The following NIBAN1 variants were observed in gnomAD, a reference collection of about 807,000 sequenced individuals.
NIBAN1 encodes the protein niban apoptosis regulator 1, also known as protein Niban 1.
Under a neutral mutation model 75.1 loss-of-function variants are expected in NIBAN1, and 81 were observed. The observed-to-expected ratio is 1.08, with a 90% CI of 0.90 to 1.30. The LOEUF (loss-of-function observed/expected upper bound fraction) is 1.30. NIBAN1 is among the 50% of genes most tolerant of loss of function. The pLI is 0.00. For synonymous variants in NIBAN1, 436 were observed against 424.8 expected (o/e 1.03, Z -0.32); for missense variants, 1,133 against 1,128.1 (o/e 1.00, Z -0.06).
chr1:184,879,266 A>G (rs1227216390), intron 5 of NIBAN1, among the ~76,000 whole-genome samples: 1 of 152,244 alleles, frequency 6.6e-6, no homozygotes, highest in African/African-American at 2.4e-5. Context: ...AGATATGTTC[A>G]TGACAATTGT....
At chr1:184,924,247 G>T (rs1657631041) in intron 1 of NIBAN1, among the ~76,000 whole-genome samples, 1 of 151,954 alleles carries the variant, frequency 6.6e-6, no homozygotes, top group Admixed American at 6.6e-5. Flanking sequence ...GAGGGCTTTT[G>T]TCACAAAGGG....
chr1:184,866,012 C>A (rs1359603956), intron 5 of NIBAN1, among the ~76,000 whole-genome samples: 1 of 152,086 alleles, frequency 6.6e-6, no homozygotes, highest in Non-Finnish European at 1.5e-5. Flanking sequence ...TTTCCAGATG[C>A]TTTTTCAAAT....
At chr1:184,953,730 G>A (rs1214314514) in intron 1 of NIBAN1, among the ~76,000 whole-genome samples, 1 of 152,198 alleles carries the variant, frequency 6.6e-6, no homozygotes, top group East Asian at 1.9e-4. Flanking sequence ...AGTTTCTCGT[G>A]GAAGTGCCAA....
Position 184,930,997 on chromosome 1 carries a change from CT to C in NIBAN1, c.56-31689del, listed in dbSNP as rs200932673. 1.1e-3 allele frequency among the ~76,000 whole-genome samples: 121 copies of C among 114,514 alleles called. 2 individuals are homozygous for C. The East Asian group carries it at 0.019, about 18-fold the overall frequency. 75.1% of individuals were successfully genotyped at this position (114,514 alleles called of 152,430 possible). On this transcript the variant is annotated intron_variant, in intron 1 of 13. Transcript: ENST00000367511. Reference sequence around the variant, plus strand: ...GTTTCTAAGTGCACTTTTTCTTCTTCTTTTTTTTTTTTTTTTTTTTGAGACT... The same window carrying C: ...GTTTCTAAGTGCACTTTTTCTTCTTCTTTTTTTTTTTTTTTTTTTGAGACT...
chr1:184,920,036 G>A (rs1571574208), intron 1 of NIBAN1, among the ~76,000 whole-genome samples: 1 of 152,014 alleles, frequency 6.6e-6, no homozygotes, highest in Non-Finnish European at 1.5e-5. Flanking sequence ...ACCAAAGTCA[G>A]GGAAATGAAT....
intron 1 of NIBAN1, among the ~76,000 whole-genome samples, chr1:184,952,149 C>G (rs959652007): frequency 1.3e-5 from 2 of 152,154 alleles, no homozygotes; most frequent in African/African-American, 4.8e-5. Context: ...GCCTATAATC[C>G]CAGCACTTTG....
chr1:184,945,590 C>T (rs553614730), intron 1 of NIBAN1, among the ~76,000 whole-genome samples: 3 of 152,124 alleles, frequency 2.0e-5, no homozygotes, highest in African/African-American at 4.8e-5. Context: ...CAAAGAGTAG[C>T]GAGTGAATAT....
intron 1 of NIBAN1, among the ~76,000 whole-genome samples, chr1:184,928,463 T>G (rs1657738073): frequency 6.6e-6 from 1 of 152,144 alleles, no homozygotes; most frequent in Non-Finnish European, 1.5e-5. Context: ...CTTTCAAGTG[T>G]ATTTAGGACC....
At chr1:184,896,927 G>A (rs1656815287) in intron 2 of NIBAN1, among the ~76,000 whole-genome samples, 1 of 152,130 alleles carries the variant, frequency 6.6e-6, no homozygotes, top group South Asian at 2.1e-4. Flanking sequence ...CCAGTACCAT[G>A]CTGATTTAGT....
chr1:184,894,147 G>A lies in NIBAN1; in HGVS notation c.246C>T (p.Asp82=), dbSNP rs1170745546. The change falls in exon 3 of 14, where the codon GAC becomes GAT. Residue 82 remains aspartate, a synonymous_variant. Coordinates refer to ENST00000367511, the MANE Select transcript of NIBAN1 (RefSeq NM_052966.4). ...CGTATCTCTCCTTCCACTTCTTTAT[G>A]TCTTCAGAAAATTGTGATAGCTCTG... ...YEAELSQFSE[D]IKKWKERYVV... 2 of 1,612,376 alleles carry A rather than the reference G, an allele frequency of 1.2e-6. No homozygotes were observed. Among genetic ancestry groups the A allele is most frequent in the Non-Finnish European group, 1.7e-6 (2 of 1,179,256 alleles).
At chr1:184,866,987 A>G (rs1406550492) in intron 5 of NIBAN1, among the ~76,000 whole-genome samples, 8 of 152,226 alleles carry the variant, frequency 5.3e-5, no homozygotes, top group Admixed American at 5.2e-4. Flanking sequence ...ATTTATGAGC[A>G]CAGATGTGCA....
rs187243425 is a variant in NIBAN1, at chr1:184,890,084, G to A, written c.433+24C>T. ...CAAAGAAGCTTAGTCATTTTGCCTT[G>A]GAAAAGAATGATCAGCAACTCACCA... On this transcript the variant is annotated intron_variant, in intron 4 of 13. Coordinates refer to ENST00000367511, the MANE Select transcript of NIBAN1 (RefSeq NM_052966.4). 5 of 1,559,230 alleles carry A rather than the reference G, an allele frequency of 3.2e-6. No individual in the cohort carries two copies. In the East Asian group the frequency reaches 1.1e-4, roughly 35 times the overall value.
chr1:184,838,895 C>T (rs1445977003), intron 5 of NIBAN1, among the ~76,000 whole-genome samples: 1 of 152,194 alleles, frequency 6.6e-6, no homozygotes, highest in East Asian at 1.9e-4. Flanking sequence ...AGTTATGTAA[C>T]AGCATTACTC....
chr1:184,929,424 T>G (rs997620031), intron 1 of NIBAN1, among the ~76,000 whole-genome samples: 3 of 152,234 alleles, frequency 2.0e-5, no homozygotes, highest in Admixed American at 2.0e-4. Context: ...AATGTTCAAG[T>G]ACCCCAAAAT....
At chr1:184,919,770 GTAATGAGTA>G (rs1657481725) in intron 1 of NIBAN1, among the ~76,000 whole-genome samples, 1 of 151,952 alleles carries the variant, frequency 6.6e-6, no homozygotes, top group Admixed American at 6.6e-5. Flanking sequence ...AACATCCTAG[GTAATGAGTA>G]TAATATATAC....
At chr1:184,901,361 T>A (rs963170445) in intron 1 of NIBAN1, among the ~76,000 whole-genome samples, 1 of 152,242 alleles carries the variant, frequency 6.6e-6, no homozygotes, top group African/African-American at 2.4e-5. Context: ...TTTATGGTAT[T>A]ACTATTAATC....
rs1344640427 is a variant in NIBAN1 at position 184,846,056 on chromosome 1, C to T, written c.602-14094G>A. ...GCAGCGAGGCTGGGGGAGGGGCACC[C>T]GCCATTGCCCAGGCTTGCTTAGGTA... On this transcript the variant is annotated intron_variant, in intron 5 of 13. Coordinates refer to ENST00000367511, the MANE Select transcript of NIBAN1 (RefSeq NM_052966.4). 1.7e-4 allele frequency among the ~76,000 whole-genome samples: 15 copies of T among 86,186 alleles called. 4 individuals carry two copies. The highest frequency in any genetic ancestry group is 3.0e-4 in the Non-Finnish European group (13 of 42,666). 56.5% of individuals were successfully genotyped at this position (86,186 alleles called of 152,430 possible). A position where few individuals can be genotyped will look rare whatever the true frequency, so the allele number is the denominator to read the frequency against.
At chr1:184,801,652 T>G (rs1468454532) in intron 12 of NIBAN1, among the ~76,000 whole-genome samples, 1 of 152,226 alleles carries the variant, frequency 6.6e-6, no homozygotes, top group Non-Finnish European at 1.5e-5. Flanking sequence ...ATGAGGCAAC[T>G]GCTGTGTTCC....
chr1:184,803,361 T>C (rs576730097), intron 12 of NIBAN1, among the ~76,000 whole-genome samples: 1 of 152,364 alleles, frequency 6.6e-6, no homozygotes, highest in Admixed American at 6.5e-5. Context: ...TCTGTTTATA[T>C]ATAGTCAATG....
Sources: gnomAD v4.1 joint callset for allele counts (sites outside exome capture counted in the v4.1 genomes callset) on GRCh38, gnomAD v4.1.1 for gene constraint, MANE v1.5 for transcripts, NCBI Gene and HGNC (gene_info 2026-07-23, HGNC 2026-07-21) for gene names.